ABI2: variants seen among roughly 807,000 people sequenced by gnomAD.
ABI2 encodes the protein abl interactor 2.
ABI2 carries 25 observed loss-of-function variants against 59.2 expected under a neutral mutation model. The observed-to-expected ratio is 0.42, with a 90% CI of 0.31 to 0.59. The LOEUF (loss-of-function observed/expected upper bound fraction) is 0.59, where lower values mean the gene tolerates loss of function less well. Ranked by LOEUF, ABI2 falls within the 20% of genes least tolerant of loss-of-function variation. The pLI is 0.14. For synonymous variants in ABI2, 213 were observed against 235.5 expected, an observed-to-expected ratio of 0.90 and a Z score of 0.87; for missense variants, 545 against 681.8, an observed-to-expected ratio of 0.80 and a Z score of 2.23.
rs567866866 is a variant in ABI2 at position 203,386,609 on chromosome 2, C to CT, written c.480+4412dup. 326 of 148,324 alleles carry CT rather than the reference C, an allele frequency of 2.2e-3. 1 individual carries two copies. The highest frequency in any genetic ancestry group is 8.9e-3 in the East Asian group (43 of 4,806). 9.2% of individuals were successfully genotyped at this position (148,324 alleles called of 1,614,324 possible). On this transcript the variant is annotated intron_variant, in intron 4 of 11. Coordinates refer to ENST00000261018, the MANE Select transcript of ABI2 (RefSeq NM_001375670.1). ...CCGTAACCTTCCCACATTGATATTTCTTTTTTTTTCTATAGAATCTGTAGA... is the reference window on the plus strand; with the variant it reads ...CCGTAACCTTCCCACATTGATATTTCTTTTTTTTTTCTATAGAATCTGTAGA...
At chr2:203,356,604 A>G (rs1300437283) in intron 1 of ABI2, among the ~76,000 whole-genome samples, 1 of 152,150 alleles carries the variant, frequency 6.6e-6, no homozygotes, top group Admixed American at 6.5e-5. Flanking sequence ...TCCTGAGCTC[A>G]GGCGATCCAC....
At chr2:203,359,525 G>A (rs951740470) in intron 1 of ABI2, among the ~76,000 whole-genome samples, 2 of 152,222 alleles carry the variant, frequency 1.3e-5, no homozygotes, top group African/African-American at 4.8e-5. Flanking sequence ...GTATATAAAT[G>A]TATGTGTCTT....
chr2:203,368,961 C>T (rs1242996419), intron 2 of ABI2, among the ~76,000 whole-genome samples: 1 of 145,704 alleles, frequency 6.9e-6, no homozygotes, highest in Non-Finnish European at 1.5e-5. Context: ...GCTGGGACTA[C>T]AGGCACGTGC....
intron 9 of ABI2, among the ~76,000 whole-genome samples, chr2:203,408,053 G>A (rs1289439103): frequency 1.3e-5 from 2 of 152,238 alleles, no homozygotes; most frequent in South Asian, 2.1e-4. Flanking sequence ...AACCCCAGAC[G>A]GAACTGAATT....
At chr2:203,362,078 GTTTA>G (rs892293452) in intron 1 of ABI2, among the ~76,000 whole-genome samples, 3 of 152,164 alleles carry the variant, frequency 2.0e-5, no homozygotes, top group Non-Finnish European at 4.4e-5. Context: ...TATATTTCTA[GTTTA>G]TTTGTATGCT....
chr2:203,395,842 T>C, intron 7 of ABI2, 62 bp downstream of exon 7: 1 of 1,479,826 alleles, frequency 6.8e-7, no homozygotes, highest in Non-Finnish European at 9.0e-7. Flanking sequence ...AATTTGTGAT[T>C]TAATTATGGT....
At chr2:203,403,583 TTTTTA>T (rs2097305819) in intron 9 of ABI2, among the ~76,000 whole-genome samples, 1 of 151,988 alleles carries the variant, frequency 6.6e-6, no homozygotes, top group Admixed American at 6.6e-5. Flanking sequence ...TTAAATAATG[TTTTTA>T]TATTATCTCA....
intron 9 of ABI2, among the ~76,000 whole-genome samples, chr2:203,407,137 C>T (rs925559946): frequency 4.6e-5 from 7 of 152,128 alleles, no homozygotes; most frequent in African/African-American, 1.7e-4. Context: ...AGAATTGTTG[C>T]AATATTCAGT....
chr2:203,344,515 G>A (rs976155970), intron 1 of ABI2, among the ~76,000 whole-genome samples: 4 of 151,626 alleles, frequency 2.6e-5, no homozygotes, highest in Non-Finnish European at 5.9e-5. Context: ...ACAGGCAACT[G>A]CCGCCACACC....
rs905220620 is a variant in ABI2, at chr2:203,380,352, A to T, written c.430A>T (p.Thr144Ser). 20 of 1,586,864 alleles carry T rather than the reference A, an allele frequency of 1.3e-5. No homozygotes were observed. Among genetic ancestry groups the T allele is most frequent in the Non-Finnish European group, 1.7e-5 (20 of 1,171,192 alleles). Residue 144 changes from threonine to serine, a missense_variant, in exon 3 of 12, where the codon ACA (threonine) becomes TCA (serine). Coordinates refer to ENST00000261018, the MANE Select transcript of ABI2 (RefSeq NM_001375670.1). ...TTATATTAGAAAACCTATTGACTAT[A>T]CAATTCTAGATGATATTGGACATGG... ...VRYIRKPIDY[T>S]ILDDIGHGVK... is the part of the protein sequence containing the mutation.
Position 203,394,578 on chromosome 2 carries a change from G to A in ABI2, c.579-122G>A. On this transcript the variant is annotated intron_variant, in intron 5 of 11. Transcript: ENST00000261018. Reference sequence around the variant, plus strand: ...AGTAAAGACTGAAATTGGTAGCTGGGTTATGTTAAAACACATTTCCTATCT... The same window carrying A: ...AGTAAAGACTGAAATTGGTAGCTGGATTATGTTAAAACACATTTCCTATCT... 10 of 941,596 alleles carry A rather than the reference G, an allele frequency of 1.1e-5. No individual in the cohort carries two copies. The South Asian group carries it at 1.6e-4, about 16-fold the overall frequency. The allele number at this position is 941,596 out of a possible 1,614,324, so 58.3% of individuals were successfully genotyped here.
chr2:203,338,814 G>C (rs989738128), intron 1 of ABI2, among the ~76,000 whole-genome samples: 23 of 150,106 alleles, frequency 1.5e-4, no homozygotes, highest in Admixed American at 2.7e-4. Flanking sequence ...AAACTAAAAG[G>C]CTTCTGCACA....
intron 1 of ABI2, among the ~76,000 whole-genome samples, chr2:203,362,531 A>AT (rs1261247506): frequency 6.6e-6 from 1 of 151,130 alleles, no homozygotes; most frequent in African/African-American, 2.4e-5. Context: ...ATTTTATTTT[A>AT]TTTATTTATT....
At chr2:203,420,700 C>T (rs924327324) in intron 11 of ABI2, among the ~76,000 whole-genome samples, 3 of 151,978 alleles carry the variant, frequency 2.0e-5, no homozygotes, top group African/African-American at 7.2e-5. Context: ...GCCGACAGTC[C>T]CTTATCTGGT....
At chr2:203,392,012 C>T (rs149223046) in intron 5 of ABI2, among the ~76,000 whole-genome samples, 2 of 152,150 alleles carry the variant, frequency 1.3e-5, no homozygotes, top group East Asian at 3.9e-4. Context: ...GCCCAGAAGC[C>T]AGGTGATTAA....
intron 11 of ABI2, among the ~76,000 whole-genome samples, chr2:203,419,424 A>G (rs2098089786): frequency 6.8e-6 from 1 of 146,636 alleles, no homozygotes; most frequent in African/African-American, 2.6e-5. Context: ...GCTGGAGTGC[A>G]GTGGTGTGAT....
intron 8 of ABI2, among the ~76,000 whole-genome samples, chr2:203,398,696 CT>C (rs1015060387): frequency 4.6e-5 from 7 of 152,158 alleles, no homozygotes; most frequent in African/African-American, 1.7e-4. Context: ...TCCATGCCCC[CT>C]TTATAGTCAG....
At chr2:203,330,401 A>G (rs913086505) in intron 1 of ABI2, among the ~76,000 whole-genome samples, 212 of 152,278 alleles carry the variant, frequency 1.4e-3, no homozygotes, top group African/African-American at 4.9e-3. Context: ...TCAAAAAAAA[A>G]AAAAAAAAAA....
intron 5 of ABI2, among the ~76,000 whole-genome samples, chr2:203,391,856 A>C (rs958751218): frequency 6.6e-6 from 1 of 150,434 alleles, no homozygotes; most frequent in Non-Finnish European, 1.5e-5. Context: ...ATGGAGCTTT[A>C]TTTTGGTCCT....
Sources: gnomAD v4.1 joint callset for allele counts (sites outside exome capture counted in the v4.1 genomes callset) on GRCh38, gnomAD v4.1.1 for gene constraint, MANE v1.5 for transcripts, NCBI Gene and HGNC (gene_info 2026-07-23, HGNC 2026-07-21) for gene names.